The following CNTNAP2 variants were observed in gnomAD, a reference collection of about 807,000 sequenced individuals.
CNTNAP2 encodes the protein contactin-associated protein-like 2.
A neutral mutation model predicts 155.2 loss-of-function variants in CNTNAP2; 98 were observed. The observed-to-expected ratio is 0.63, with a 90% CI of 0.54 to 0.75. CNTNAP2 has a LOEUF of 0.75. CNTNAP2 is among the 30% of genes least tolerant of loss of function. The pLI is 0.00. For missense variants in CNTNAP2, 1,727 were observed against 1,688.1 expected (o/e 1.02, Z -0.40); for synonymous variants, 651 against 631.2 (o/e 1.03, Z -0.47).
At chr7:147,993,426 T>G (rs979937849) in intron 15 of CNTNAP2, among the ~76,000 whole-genome samples, 2 of 152,360 alleles carry the variant, frequency 1.3e-5, no homozygotes, top group Non-Finnish European at 2.9e-5. Context: ...AACAGATAGA[T>G]AGATGCTCCA....
chr7:148,158,324 G>A (rs1231829408), intron 17 of CNTNAP2, among the ~76,000 whole-genome samples: 2 of 141,148 alleles, frequency 1.4e-5, no homozygotes, highest in African/African-American at 5.5e-5. Context: ...CCGGGTTCAA[G>A]CAATTCTCCT....
intron 8 of CNTNAP2, among the ~76,000 whole-genome samples, chr7:147,236,673 G>T (rs1296337575): frequency 2.0e-5 from 3 of 149,332 alleles, no homozygotes; most frequent in Non-Finnish European, 4.4e-5. Context: ...ATTTTATTCT[G>T]CTCGGAGCTG....
chr7:147,454,310 C>T (rs1216745834), intron 10 of CNTNAP2, among the ~76,000 whole-genome samples: 2 of 152,032 alleles, frequency 1.3e-5, no homozygotes, highest in African/African-American at 2.4e-5. Context: ...AATAGGACGT[C>T]GAGTTTAAGT....
chr7:146,551,425 G>C (rs975699560), intron 1 of CNTNAP2, among the ~76,000 whole-genome samples: 1 of 151,880 alleles, frequency 6.6e-6, no homozygotes, highest in Non-Finnish European at 1.5e-5. Flanking sequence ...TGCTGAGAAT[G>C]ATGGTTTCCA....
intron 11 of CNTNAP2, among the ~76,000 whole-genome samples, chr7:147,524,488 G>A (rs192921433): frequency 6.6e-6 from 1 of 152,320 alleles, no homozygotes; most frequent in African/African-American, 2.4e-5. Context: ...TAATGTGGGA[G>A]ACAAAGGTTT....
chr7:147,033,709 T>A (rs1028872417), intron 3 of CNTNAP2, among the ~76,000 whole-genome samples: 8 of 151,672 alleles, frequency 5.3e-5, no homozygotes, highest in African/African-American at 1.9e-4. Flanking sequence ...AGGTATGGTC[T>A]GAAACCTCAC....
chr7:147,341,371 G>A (rs964009460), intron 9 of CNTNAP2, among the ~76,000 whole-genome samples: 1 of 151,684 alleles, frequency 6.6e-6, no homozygotes, highest in Non-Finnish European at 1.5e-5. Flanking sequence ...AAACCAACAT[G>A]GCATGTGCAT....
In CNTNAP2 at chr7:146,560,384, T is replaced by C. The variant is rs191363987; in HGVS notation, c.98-213887T>C. Reference sequence around the variant, plus strand: ...ATGTTTATATACATATATATGTGTGTATATATGTATGTGTATATGTGTGTG... The same window carrying C: ...ATGTTTATATACATATATATGTGTGCATATATGTATGTGTATATGTGTGTG... On this transcript the variant is annotated intron_variant, in intron 1 of 23. Coordinates refer to ENST00000361727, the MANE Select transcript of CNTNAP2 (RefSeq NM_014141.6). 3.6e-3 allele frequency among the ~76,000 whole-genome samples: 545 copies of C among 152,228 alleles called. 1 individual carries two copies. The highest frequency in any genetic ancestry group is 5.7e-3 in the Non-Finnish European group (388 of 67,992).
intron 4 of CNTNAP2, among the ~76,000 whole-genome samples, chr7:147,082,248 C>T (rs1265842924): frequency 6.6e-6 from 1 of 152,164 alleles, no homozygotes; most frequent in Non-Finnish European, 1.5e-5. Flanking sequence ...ACTGTGATTA[C>T]CAAAGAATAG....
intron 3 of CNTNAP2, among the ~76,000 whole-genome samples, chr7:146,953,446 G>A (rs964809618): frequency 6.6e-5 from 10 of 151,778 alleles, no homozygotes; most frequent in East Asian, 3.9e-4. Context: ...ATGACATCTC[G>A]TTTTACATAA....
At chr7:146,722,722 A>ATATATT (rs1425432003) in intron 1 of CNTNAP2, among the ~76,000 whole-genome samples, 37 of 152,150 alleles carry the variant, frequency 2.4e-4, no homozygotes, top group African/African-American at 8.7e-4. Flanking sequence ...ATATATATAT[A>ATATATT]TATATACACG....
intron 19 of CNTNAP2, among the ~76,000 whole-genome samples, chr7:148,224,464 G>C (rs1338822315): frequency 6.6e-6 from 1 of 152,198 alleles, no homozygotes; most frequent in Non-Finnish European, 1.5e-5. Flanking sequence ...AATGTAAAAA[G>C]TGACAGTGAG....
intron 3 of CNTNAP2, among the ~76,000 whole-genome samples, chr7:146,968,341 G>A (rs13246895): frequency 0.27 from 40,830 of 151,218 alleles, 6,555 homozygotes; most frequent in Non-Finnish European, 0.36. Context: ...AGTTAGGGAG[G>A]ATTCCCTCTT....
At chr7:148,394,623 C>T (rs766265667) in intron 22 of CNTNAP2, among the ~76,000 whole-genome samples, 1 of 152,222 alleles carries the variant, frequency 6.6e-6, no homozygotes, top group Non-Finnish European at 1.5e-5. Flanking sequence ...TGCGTGTCTT[C>T]TCCATCTCTC....
chr7:146,737,923 A>G (rs1278047737), intron 1 of CNTNAP2, among the ~76,000 whole-genome samples: 1 of 152,094 alleles, frequency 6.6e-6, no homozygotes, highest in African/African-American at 2.4e-5. Context: ...TCATCCTTTG[A>G]TAGATGCTTA....
chr7:147,285,033 AAAGATT>A (rs1805145088), intron 8 of CNTNAP2, among the ~76,000 whole-genome samples: 2 of 152,026 alleles, frequency 1.3e-5, no homozygotes, highest in Admixed American at 1.3e-4. Flanking sequence ...AATAAAAGTT[AAAGATT>A]ATCTGGTGGC....
chr7:147,557,682 T>A (rs1295090765), intron 11 of CNTNAP2, among the ~76,000 whole-genome samples: 2 of 152,208 alleles, frequency 1.3e-5, no homozygotes, highest in Non-Finnish European at 2.9e-5. Context: ...GGGTAAATAC[T>A]GTCATTAGCT....
chr7:146,511,405 TATGAC>T (rs1167145344), intron 1 of CNTNAP2, among the ~76,000 whole-genome samples: 2 of 152,352 alleles, frequency 1.3e-5, no homozygotes, highest in Non-Finnish European at 2.9e-5. Flanking sequence ...CTCCATTTAG[TATGAC>T]AATAGCTATG....
intron 1 of CNTNAP2, among the ~76,000 whole-genome samples, chr7:146,461,129 C>T (rs565696189): frequency 3.3e-5 from 5 of 152,064 alleles, no homozygotes; most frequent in East Asian, 1.9e-4. Context: ...TAAGGCTGGG[C>T]GCGGTGGCTC....
Sources: allele counts gnomAD v4.1 joint callset (sites outside exome capture counted in the v4.1 genomes callset), GRCh38; gene constraint gnomAD v4.1.1; transcripts MANE v1.5; gene names NCBI Gene and HGNC (gene_info 2026-07-23, HGNC 2026-07-21).